Variants in MED17 observed in about 807,000 individuals in gnomAD.
The protein encoded by MED17 is mediator of RNA polymerase II transcription subunit 17.
A neutral mutation model predicts 80.8 loss-of-function variants in MED17; 49 were observed. The observed-to-expected ratio is 0.61, with a 90% CI of 0.48 to 0.77. The LOEUF is 0.77. Ranked by LOEUF, MED17 falls within the 30% of genes least tolerant of loss-of-function variation. MED17 has a pLI of 0.00. For synonymous variants in MED17, 281 were observed against 280.4 expected, an observed-to-expected ratio of 1.00 and a Z score of -0.02; for missense variants, 718 against 787.0, an observed-to-expected ratio of 0.91 and a Z score of 1.05.
At chr11:93,789,516 A>G (rs1165855436) in intron 2 of MED17, 2 of 152,176 alleles carry the variant, frequency 1.3e-5, no homozygotes, top group African/African-American at 4.8e-5. Context: ...GAAGCTTTTT[A>G]TGTGATTTTT....
Position 93,812,466 on chromosome 11 carries a change from TCTCA to T in MED17, c.*406_*409del. 2.7e-6 allele frequency: 1 copy of T among 364,992 alleles called. No homozygotes were observed. Among genetic ancestry groups the T allele is most frequent in the Non-Finnish European group, 4.9e-6 (1 of 204,120 alleles). The allele number at this position is 364,992 out of a possible 1,614,324, so 22.6% of individuals were successfully genotyped here. On this transcript the variant is annotated 3_prime_UTR_variant, in exon 12 of 12. Coordinates refer to ENST00000251871, the MANE Select transcript of MED17 (RefSeq NM_004268.5). ...TAAACTTTTTTTTTTTGAGATGGTA[TCTCA>T]CTCTGTAGCCCAGTCTGGAGTGCAG...
chr11:93,809,920 G>C, intron 11 of MED17, 44 bp downstream of exon 11: 1 of 1,602,862 alleles, frequency 6.2e-7, no homozygotes, highest in Non-Finnish European at 8.5e-7. Context: ...TTGGGAGTTT[G>C]GCTTTAACAT....
chr11:93,801,902 A>G lies in MED17; in HGVS notation c.1396A>G (p.Asn466Asp). Reference sequence around the variant, plus strand: ...TCCTCAGATACAGGCTCATTGGTCAAATATCAATGATGTTTATGAATCTAG... The same window carrying G: ...TCCTCAGATACAGGCTCATTGGTCAGATATCAATGATGTTTATGAATCTAG... ...EDPQIQAHWS[N>D]INDVYESSVK... Residue 466 changes from asparagine to aspartate, a missense_variant, in exon 9 of 12, where the codon AAT (asparagine) becomes GAT (aspartate). Transcript: ENST00000251871. 1 of 1,612,274 alleles carries G rather than the reference A, an allele frequency of 6.2e-7. No individual in the cohort carries two copies. Among genetic ancestry groups the G allele is most frequent in the Non-Finnish European group, 8.5e-7 (1 of 1,178,612 alleles).
chr11:93,806,075 G>C (rs904278316), intron 9 of MED17: 1 of 146,420 alleles, frequency 6.8e-6, no homozygotes, highest in South Asian at 2.3e-4. Context: ...TCTGCCTCCC[G>C]GGTTCAAGCA....
chr11:93,807,388 G>A, intron 9 of MED17, 130 bp from the exon 10 acceptor site: 1 of 681,560 alleles, frequency 1.5e-6, no homozygotes. Flanking sequence ...ACTCCAGCCT[G>A]GGCAACAGGC....
At chr11:93,799,548 G>A (rs561277436) in intron 8 of MED17, among the ~76,000 whole-genome samples, 2 of 152,186 alleles carry the variant, frequency 1.3e-5, no homozygotes, top group East Asian at 3.9e-4. Flanking sequence ...ACTCAGGGAG[G>A]CTGGGCAGAT....
intron 2 of MED17, chr11:93,789,426 C>T (rs550833487): frequency 1.4e-4 from 22 of 152,260 alleles, no homozygotes; most frequent in African/African-American, 4.1e-4. Flanking sequence ...AAGGGAGTCT[C>T]CAGGAATTTC....
Position 93,813,307 on chromosome 11 carries a change from A to G in MED17, c.*1243A>G, listed in dbSNP as rs954868498. The G allele has an allele frequency of 2.6e-5, 4 of 152,224 alleles. No homozygotes were observed. The highest frequency in any genetic ancestry group is 4.4e-5 in the Non-Finnish European group (3 of 68,040). 9.4% of individuals were successfully genotyped at this position (152,224 alleles called of 1,614,324 possible). ...GTATTTCTCCACCGTGTTTTCATTA[A>G]AGAAAAATGGAGCTTGTGGGCCACG... is the stretch of plus-strand genomic sequence containing the variant. On this transcript the variant is annotated 3_prime_UTR_variant, in exon 12 of 12. Coordinates refer to ENST00000251871, the MANE Select transcript of MED17 (RefSeq NM_004268.5).
rs1393834248 is a variant in MED17 at position 93,797,270 on chromosome 11, TC to T, written c.1144-262del. On this transcript the variant is annotated intron_variant, in intron 7 of 11. Coordinates refer to ENST00000251871, the MANE Select transcript of MED17 (RefSeq NM_004268.5). ...TTCATGCTTATGCATGAGTTGTGAC[TC>T]CCTCAAACCTTATTAGGATGTCGGC... 9.6e-6 allele frequency: 4 copies of T among 417,156 alleles called. No individual in the cohort carries two copies. In the Admixed American group the frequency reaches 1.6e-4, roughly 17 times the overall value. 25.8% of individuals were successfully genotyped at this position (417,156 alleles called of 1,614,324 possible).
At chr11:93,790,077 C>T (rs1943816781) in intron 2 of MED17, among the ~76,000 whole-genome samples, 1 of 152,054 alleles carries the variant, frequency 6.6e-6, no homozygotes, top group Admixed American at 6.5e-5. Context: ...ACAGTTATAC[C>T]CATTGCAGTC....
Position 93,811,857 on chromosome 11 carries a change from T to TA in MED17, c.1751dup (p.Asn584LysfsTer4), listed in dbSNP as rs764738982. The TA allele has an allele frequency of 6.2e-7, 1 of 1,614,110 alleles. No homozygotes were observed. Among genetic ancestry groups the TA allele is most frequent in the African/African-American group, 1.3e-5 (1 of 75,044 alleles). Reference sequence around the variant, plus strand: ...TATTTTGGTTTTTCTCCACAGTTCGTAATGGACCTGAAAGTGGCAGCAAGA... The same window carrying TA: ...TATTTTGGTTTTTCTCCACAGTTCGTAAATGGACCTGAAAGTGGCAGCAAGA... On this transcript the variant is annotated frameshift_variant, in exon 12 of 12. Transcript: ENST00000251871. LOFTEE classifies it high-confidence loss of function.
intron 6 of MED17, chr11:93,795,698 C>G (rs1421401673): frequency 6.5e-6 from 1 of 153,536 alleles, no homozygotes; most frequent in Non-Finnish European, 1.4e-5. Flanking sequence ...TACATAAATT[C>G]TAAGGACTGT....
At chr11:93,788,354 T>C in intron 2 of MED17, 187 bp downstream of exon 2, 1 of 548,886 alleles carries the variant, frequency 1.8e-6, no homozygotes, top group East Asian at 3.3e-5. Context: ...TATATACCTA[T>C]GATCCTTGGA....
chr11:93,804,538 G>A (rs61498518), intron 9 of MED17, among the ~76,000 whole-genome samples: 1,695 of 152,236 alleles, frequency 0.011, 35 homozygotes, highest in African/African-American at 0.038. Context: ...ATCTTTCTAG[G>A]AAAGTCTATG....
chr11:93,808,991 T>C (rs1944058880), intron 10 of MED17: 1 of 153,942 alleles, frequency 6.5e-6, no homozygotes, highest in South Asian at 2.0e-4. Flanking sequence ...GGTGGCAGAC[T>C]CAGGAGGATC....
intron 6 of MED17, 162 bp downstream of exon 6, chr11:93,795,222 G>T: frequency 1.2e-6 from 1 of 826,158 alleles, no homozygotes; most frequent in South Asian, 1.4e-5. Context: ...AAACTATACT[G>T]TGGAATCTGT....
chr11:93,788,439 T>C (rs1486544815), intron 2 of MED17: 3 of 305,688 alleles, frequency 9.8e-6, no homozygotes, highest in Non-Finnish European at 1.9e-5. Flanking sequence ...CCCAGCACTT[T>C]GGGAGGCCAA....
Position 93,799,927 on chromosome 11 carries a change from A to G in MED17, c.1329-1908A>G, listed in dbSNP as rs141496460. Among the ~76,000 whole-genome samples, 5 of 151,950 alleles carry G rather than the reference A, an allele frequency of 3.3e-5. No homozygotes were observed. The East Asian group carries it at 9.7e-4, about 29-fold the overall frequency. On this transcript the variant is annotated intron_variant, in intron 8 of 11. Coordinates refer to ENST00000251871, the MANE Select transcript of MED17 (RefSeq NM_004268.5). ...TAAAATTTTATATCCTTCTGAGTTC[A>G]TACCTCAGGGGTGACACCAAAACAA...
At chr11:93,792,439 T>C (rs1441337759) in intron 3 of MED17, among the ~76,000 whole-genome samples, 1 of 152,228 alleles carries the variant, frequency 6.6e-6, no homozygotes. Context: ...CCACAAATAA[T>C]TTGTGTGCAA....
Sources: gnomAD v4.1 joint callset for allele counts (sites outside exome capture counted in the v4.1 genomes callset) on GRCh38, gnomAD v4.1.1 for gene constraint, MANE v1.5 for transcripts, NCBI Gene and HGNC (gene_info 2026-07-23, HGNC 2026-07-21) for gene names.